DIP2C: variants seen among roughly 807,000 people sequenced by gnomAD.
The protein encoded by DIP2C is DIP2 acetate--CoA ligase C (putative).
DIP2C carries 33 observed loss-of-function variants against 192.4 expected under a neutral mutation model. The ratio of observed to expected loss-of-function variants is 0.17; its 90% CI spans 0.13 to 0.23. The LOEUF is 0.23. Ranked by LOEUF, DIP2C falls within the 10% of genes least tolerant of loss-of-function variation. The probability of loss-of-function intolerance (pLI) is 1.00; values close to 1 mark genes in which losing one functional copy is unlikely to be tolerated. For missense variants in DIP2C, 1,537 were observed against 2,110.1 expected (o/e 0.73, Z 5.32); for synonymous variants, 979 against 864.1 (o/e 1.13, Z -2.33).
At chr10:539,044 C>A (rs139217763) in intron 1 of DIP2C, among the ~76,000 whole-genome samples, 1 of 151,826 alleles carries the variant, frequency 6.6e-6, no homozygotes, top group Admixed American at 6.6e-5. Context: ...ATCTGTTCTA[C>A]GAGCTCAGTT....
intron 28 of DIP2C, among the ~76,000 whole-genome samples, chr10:342,547 C>T (rs1308066892): frequency 6.6e-6 from 1 of 152,216 alleles, no homozygotes; most frequent in Non-Finnish European, 1.5e-5. Flanking sequence ...GTCTTATTCA[C>T]GGCTATCTCC....
chr10:367,170 T>G lies in DIP2C; in HGVS notation c.2132-759A>C, dbSNP rs75107365. 7.3e-3 allele frequency among the ~76,000 whole-genome samples: 1,115 copies of G among 152,256 alleles called. 15 individuals carry two copies. Among genetic ancestry groups the G allele is most frequent in the African/African-American group, 0.026 (1,061 of 41,556 alleles). ...CGGTGGCTCACGCCTGTAATCCCAG[T>G]ACTTTGGGAGGCCGAGGCGGGCGGA... On this transcript the variant is annotated intron_variant, in intron 18 of 36. Transcript: ENST00000280886.
At chr10:369,918 A>G (rs1960760277) in intron 17 of DIP2C, 2 of 1,324,496 alleles carry the variant, frequency 1.5e-6, no homozygotes, top group South Asian at 3.2e-5. Flanking sequence ...CAGGCCCTGC[A>G]CAGACCAGCT....
chr10:492,779 G>A (rs1428965127), intron 1 of DIP2C, among the ~76,000 whole-genome samples: 1 of 152,018 alleles, frequency 6.6e-6, no homozygotes, highest in African/African-American at 2.4e-5. Flanking sequence ...TCTTCTCTTT[G>A]GTACGTTAAG....
chr10:557,826 GAAGGCA>G (rs1317873028), intron 1 of DIP2C, among the ~76,000 whole-genome samples: 20 of 52,004 alleles, frequency 3.8e-4, no homozygotes, highest in African/African-American at 2.9e-3. Context: ...GAGGGGGCAG[GAAGGCA>G]GGCAGGCAGG....
At chr10:361,891 G>T (rs1047944867) in intron 22 of DIP2C, among the ~76,000 whole-genome samples, 1 of 152,036 alleles carries the variant, frequency 6.6e-6, no homozygotes, top group African/African-American at 2.4e-5. Flanking sequence ...ACTGTTCCCT[G>T]CAACTCCACA....
Position 580,027 on chromosome 10 carries a change from G to A in DIP2C, c.86-93497C>T, listed in dbSNP as rs142152767. 1.5e-3 allele frequency among the ~76,000 whole-genome samples: 235 copies of A among 152,014 alleles called. 1 individual carries two copies. The South Asian group carries it at 0.02, about 13-fold the overall frequency. ...GTATGTACATGAATAGCATGTACAC[G>A]CATCTCTATCCAGTGTACACAGGTA... On this transcript the variant is annotated intron_variant, in intron 1 of 36. Transcript: ENST00000280886.
At chr10:523,833 C>A (rs530495398) in intron 1 of DIP2C, among the ~76,000 whole-genome samples, 14 of 152,352 alleles carry the variant, frequency 9.2e-5, no homozygotes, top group Admixed American at 8.5e-4. Flanking sequence ...GTTACCAGCA[C>A]ACTTGTCGCT....
intron 9 of DIP2C, among the ~76,000 whole-genome samples, chr10:405,106 C>G (rs1341361159): frequency 1.3e-5 from 2 of 152,236 alleles, no homozygotes; most frequent in South Asian, 4.1e-4. Flanking sequence ...TCAGTTCTGA[C>G]TTGTTAATCT....
Position 417,916 on chromosome 10 carries a change from C to T in DIP2C, c.739+1149G>A, listed in dbSNP as rs796678791. Reference sequence around the variant, plus strand: ...TCAGGGCTCGGATAGGCCTCCCTGTCCACCTGTTCCTGTCAGGGCTTCGAT... The same window carrying T: ...TCAGGGCTCGGATAGGCCTCCCTGTTCACCTGTTCCTGTCAGGGCTTCGAT... On this transcript the variant is annotated intron_variant, in intron 6 of 36. Transcript: ENST00000280886. Among the ~76,000 whole-genome samples the T allele has an allele frequency of 2.1e-4, 21 of 101,646 alleles. 1 individual carries two copies. The highest frequency in any genetic ancestry group is 3.6e-4 in the South Asian group (1 of 2,762). The allele number at this position is 101,646 out of a possible 152,430, so 66.7% of individuals were successfully genotyped here. A position where few individuals can be genotyped will look rare whatever the true frequency, so the allele number is the denominator to read the frequency against.
At chr10:419,238 G>C in intron 5 of DIP2C, 39 bp from the exon 6 acceptor site, 4 of 1,613,286 alleles carry the variant, frequency 2.5e-6, no homozygotes, top group Non-Finnish European at 3.4e-6. Flanking sequence ...TGGTGGTTGT[G>C]ATGTTTGCTC....
chr10:415,174 A>C (rs1301059173), intron 7 of DIP2C, among the ~76,000 whole-genome samples: 1 of 152,094 alleles, frequency 6.6e-6, no homozygotes, highest in Non-Finnish European at 1.5e-5. Flanking sequence ...TGAAGAATGG[A>C]AATTATCTCT....
At chr10:539,665 G>C (rs1488725772) in intron 1 of DIP2C, among the ~76,000 whole-genome samples, 1 of 152,178 alleles carries the variant, frequency 6.6e-6, no homozygotes, top group Non-Finnish European at 1.5e-5. Flanking sequence ...GTCGTTCCTG[G>C]TCCAGAGACT....
intron 4 of DIP2C, among the ~76,000 whole-genome samples, chr10:435,248 G>A (rs976834646): frequency 1.3e-5 from 2 of 152,186 alleles, no homozygotes; most frequent in Non-Finnish European, 2.9e-5. Flanking sequence ...GGAAGGCTTT[G>A]ATAAAACCCC....
intron 1 of DIP2C, among the ~76,000 whole-genome samples, chr10:551,884 G>A (rs1057211832): frequency 3.0e-4 from 46 of 152,284 alleles, no homozygotes; most frequent in African/African-American, 9.4e-4. Flanking sequence ...GGCCCATTTC[G>A]TTCAGATGCT....
chr10:279,993 C>A (rs115113335), intron 36 of DIP2C, among the ~76,000 whole-genome samples: 1,674 of 152,290 alleles, frequency 0.011, 33 homozygotes, highest in African/African-American at 0.038. Flanking sequence ...AACTGATATT[C>A]GTAGCTATTT....
At chr10:510,888 G>A (rs565004921) in intron 1 of DIP2C, among the ~76,000 whole-genome samples, 3 of 152,158 alleles carry the variant, frequency 2.0e-5, no homozygotes, top group South Asian at 2.1e-4. Flanking sequence ...CTGGTGGTGT[G>A]GGACAGCCAG....
chr10:438,516 G>C (rs537364553), intron 4 of DIP2C, among the ~76,000 whole-genome samples: 3 of 151,898 alleles, frequency 2.0e-5, no homozygotes, highest in East Asian at 3.9e-4. Flanking sequence ...TTGAGATAGG[G>C]TCTTCCTCTG....
At chr10:279,088 T>C (rs555693119) in intron 36 of DIP2C, among the ~76,000 whole-genome samples, 35 of 152,270 alleles carry the variant, frequency 2.3e-4, no homozygotes, top group Non-Finnish European at 4.0e-4. Flanking sequence ...AAAGGGAAAA[T>C]TGGAGAATTT....
Sources: allele counts gnomAD v4.1 joint callset (sites outside exome capture counted in the v4.1 genomes callset), GRCh38; gene constraint gnomAD v4.1.1; transcripts MANE v1.5; gene names NCBI Gene and HGNC (gene_info 2026-07-23, HGNC 2026-07-21).